The following CMSS1 variants were observed in gnomAD, a reference collection of about 807,000 sequenced individuals.
CMSS1 encodes the protein cms1 ribosomal small subunit homolog.
A neutral mutation model predicts 43.5 loss-of-function variants in CMSS1; 33 were observed. That is an observed-to-expected ratio of 0.76 (90% CI 0.57 to 1.01). The LOEUF is 1.01. CMSS1 is among the 50% of genes least tolerant of loss of function. The pLI is 0.00. For missense variants in CMSS1, 313 were observed against 326.4 expected (o/e 0.96, Z 0.32); for synonymous variants, 115 against 117.2 (o/e 0.98, Z 0.12).
At chr3:99,918,968 G>T (rs1707040578) in intron 1 of CMSS1, among the ~76,000 whole-genome samples, 1 of 152,202 alleles carries the variant, frequency 6.6e-6, no homozygotes, top group African/African-American at 2.4e-5. Flanking sequence ...GAAAGGAAAT[G>T]ATTGCATTTG....
Position 100,168,880 on chromosome 3 carries a change from T to TATAC in CMSS1, c.518+1041_518+1042insTACA, listed in dbSNP as rs932834578. 1.0e-4 allele frequency among the ~76,000 whole-genome samples: 15 copies of TATAC among 149,114 alleles called. No homozygotes were observed. In the East Asian group the frequency reaches 1.2e-3, roughly 12 times the overall value. ...ATTACAAATTATATATATATATATA[T>TATAC]ACACACACACACATATATATATACA... On this transcript the variant is annotated intron_variant, in intron 6 of 9. Transcript: ENST00000421999.
chr3:99,862,594 C>T (rs1200903875), intron 1 of CMSS1, among the ~76,000 whole-genome samples: 1 of 152,182 alleles, frequency 6.6e-6, no homozygotes, highest in Non-Finnish European at 1.5e-5. Flanking sequence ...CCAGGAGCAA[C>T]ACAGTACCTC....
intron 2 of CMSS1, among the ~76,000 whole-genome samples, chr3:100,156,746 G>C (rs1435227580): frequency 6.6e-6 from 1 of 152,150 alleles, no homozygotes; most frequent in African/African-American, 2.4e-5. Flanking sequence ...CTCCCAAGTA[G>C]CTGGGACTAC....
At chr3:100,066,571 G>A (rs1241326993) in intron 1 of CMSS1, among the ~76,000 whole-genome samples, 3 of 98,010 alleles carry the variant, frequency 3.1e-5, no homozygotes, top group African/African-American at 3.9e-5. Flanking sequence ...TCGCTCTGTC[G>A]CCCAGGCTGG....
chr3:99,952,088 A>G (rs1429273558), intron 1 of CMSS1, among the ~76,000 whole-genome samples: 2 of 152,196 alleles, frequency 1.3e-5, no homozygotes, highest in South Asian at 2.1e-4. Context: ...TGAAGCTGTT[A>G]AAGAGAATAT....
chr3:100,025,156 C>G (rs2064895839), intron 1 of CMSS1, among the ~76,000 whole-genome samples: 1 of 152,070 alleles, frequency 6.6e-6, no homozygotes, highest in South Asian at 2.1e-4. Context: ...CCATACTTAG[C>G]TAAAAGAGAG....
chr3:99,863,396 A>T (rs1276488369), intron 1 of CMSS1, among the ~76,000 whole-genome samples: 1 of 152,118 alleles, frequency 6.6e-6, no homozygotes, highest in Non-Finnish European at 1.5e-5. Context: ...GGACTCCTGT[A>T]CGTGGGGACT....
intron 1 of CMSS1, among the ~76,000 whole-genome samples, chr3:100,121,004 T>C (rs2107491542): frequency 6.6e-6 from 1 of 152,292 alleles, no homozygotes; most frequent in African/African-American, 2.4e-5. Flanking sequence ...AGCTTTAACT[T>C]TGGTACCACT....
intron 3 of CMSS1, 71 bp downstream of exon 3, chr3:100,160,572 T>C: frequency 5.3e-6 from 4 of 749,770 alleles, no homozygotes; most frequent in South Asian, 4.8e-5. Context: ...TATCATACTT[T>C]CTTGAGGCAA....
intron 1 of CMSS1, among the ~76,000 whole-genome samples, chr3:99,887,055 T>C (rs528067813): frequency 6.6e-6 from 1 of 151,474 alleles, no homozygotes; most frequent in Admixed American, 6.6e-5. Context: ...GTGGATCACC[T>C]GAGATTGGGA....
chr3:99,936,293 A>G (rs1338304100), intron 1 of CMSS1, among the ~76,000 whole-genome samples: 1 of 150,824 alleles, frequency 6.6e-6, no homozygotes, highest in Non-Finnish European at 1.5e-5. Flanking sequence ...ATTACTTATC[A>G]TATACAAGCC....
chr3:99,846,831 G>T (rs1216738925), intron 1 of CMSS1, among the ~76,000 whole-genome samples: 1 of 152,084 alleles, frequency 6.6e-6, no homozygotes, highest in Non-Finnish European at 1.5e-5. Flanking sequence ...ATCAATAACT[G>T]GCAATAAAAT....
At chr3:100,102,684 C>T (rs951820657) in intron 1 of CMSS1, among the ~76,000 whole-genome samples, 2 of 152,138 alleles carry the variant, frequency 1.3e-5, no homozygotes, top group Non-Finnish European at 1.5e-5. Flanking sequence ...GTAGTTACTC[C>T]GTGTTTGACT....
rs565324446 is a variant in CMSS1 at position 100,089,542 on chromosome 3, A to C, written c.65-57431A>C. Among the ~76,000 whole-genome samples the C allele has an allele frequency of 3.9e-5, 6 of 152,338 alleles. No individual in the cohort carries two copies. In the East Asian group the frequency reaches 1.2e-3, roughly 29 times the overall value. On this transcript the variant is annotated intron_variant, in intron 1 of 9. Coordinates refer to ENST00000421999, the MANE Select transcript of CMSS1 (RefSeq NM_032359.4). Reference sequence around the variant, plus strand: ...TATAAGTCAAAGCCTCATGTCAAGCAAAAAGGATAGGAAGCAGAAACATTT... The same window carrying C: ...TATAAGTCAAAGCCTCATGTCAAGCCAAAAGGATAGGAAGCAGAAACATTT...
chr3:100,162,505 G>T, intron 4 of CMSS1, 73 bp downstream of exon 4: 1 of 1,499,300 alleles, frequency 6.7e-7, no homozygotes, highest in Non-Finnish European at 9.1e-7. Context: ...GGTGTCTCAG[G>T]CAGTCAATTA....
chr3:99,918,414 G>A lies in CMSS1; in HGVS notation c.64+100371G>A, dbSNP rs1185542011. ...TTCATCCCTCACTAGGCTTGTTAAT[G>A]TTTTCTTTTTAGCATTCATAGTATT... On this transcript the variant is annotated intron_variant, in intron 1 of 9. Coordinates refer to ENST00000421999, the MANE Select transcript of CMSS1 (RefSeq NM_032359.4). 2.0e-5 allele frequency among the ~76,000 whole-genome samples: 3 copies of A among 152,260 alleles called. No individual in the cohort carries two copies. The East Asian group carries it at 5.8e-4, about 29-fold the overall frequency.
At chr3:99,831,252 G>A (rs931850432) in intron 1 of CMSS1, among the ~76,000 whole-genome samples, 1 of 152,150 alleles carries the variant, frequency 6.6e-6, no homozygotes, top group Non-Finnish European at 1.5e-5. Context: ...TCAGGAAAAC[G>A]TTTACTTAGA....
chr3:100,164,146 A>G (rs1446356888), intron 4 of CMSS1, among the ~76,000 whole-genome samples: 1 of 152,000 alleles, frequency 6.6e-6, no homozygotes, highest in African/African-American at 2.4e-5. Context: ...GTTATAATCC[A>G]CTCTTCTCAG....
intron 1 of CMSS1, among the ~76,000 whole-genome samples, chr3:99,948,396 G>T (rs548502790): frequency 6.6e-6 from 1 of 151,790 alleles, no homozygotes; most frequent in African/African-American, 2.4e-5. Flanking sequence ...AAATTAGCTC[G>T]GTAGGGTGAT....
Sources: gnomAD v4.1 joint callset for allele counts (sites outside exome capture counted in the v4.1 genomes callset) on GRCh38, gnomAD v4.1.1 for gene constraint, MANE v1.5 for transcripts, NCBI Gene and HGNC (gene_info 2026-07-23, HGNC 2026-07-21) for gene names.